Variants in RP1 observed in about 807,000 individuals in gnomAD.
The protein encoded by RP1 is oxygen-regulated protein 1.
In RP1, 16 loss-of-function variants were observed where a neutral mutation model predicts 14.8. The ratio of observed to expected loss-of-function variants is 1.08; its 90% CI spans 0.73 to 1.65. The LOEUF (loss-of-function observed/expected upper bound fraction) is 1.65. Ranked by LOEUF, RP1 falls within the 40% of genes most tolerant of loss-of-function variation. The pLI is 0.00. For missense variants in RP1, 2,631 were observed against 2,535.0 expected (o/e 1.04, Z -0.81); for synonymous variants, 876 against 883.6 (o/e 0.99, Z 0.15).
At chr8:54,678,417 C>T in intron 8 of RP1, 1 of 1,442,200 alleles carries the variant, frequency 6.9e-7, no homozygotes, top group Non-Finnish European at 9.4e-7. Flanking sequence ...ATTATTAGGC[C>T]ATATTTATTC....
At chr8:54,739,627 A>G (rs558909148) in intron 19 of RP1, among the ~76,000 whole-genome samples, 9 of 150,572 alleles carry the variant, frequency 6.0e-5, no homozygotes, top group African/African-American at 2.0e-4. Context: ...TCGGTGGTGC[A>G]TTTTTTTTTC....
intron 16 of RP1, among the ~76,000 whole-genome samples, chr8:54,722,941 A>G (rs545103165): frequency 6.6e-6 from 1 of 152,174 alleles, no homozygotes; most frequent in South Asian, 2.1e-4. Context: ...CTCAGCCTAC[A>G]ACGAGGGCAG....
intron 15 of RP1, among the ~76,000 whole-genome samples, chr8:54,716,721 C>T (rs544614346): frequency 2.6e-5 from 4 of 152,264 alleles, no homozygotes; most frequent in East Asian, 3.9e-4. Flanking sequence ...TCTAGATCTC[C>T]TGATGTCTCC....
intron 21 of RP1, chr8:54,758,786 A>G (rs921446778): frequency 6.1e-6 from 5 of 826,302 alleles, no homozygotes; most frequent in African/African-American, 1.7e-5. Context: ...GCCCCTTTTG[A>G]TGCTAACTAC....
At chr8:54,804,359 G>A (rs556769359) in intron 24 of RP1, among the ~76,000 whole-genome samples, 1 of 152,244 alleles carries the variant, frequency 6.6e-6, no homozygotes, top group African/African-American at 2.4e-5. Flanking sequence ...TCCAAATGAC[G>A]TTAAGGCCCA....
At chr8:54,681,484 G>T (rs1308858654) in intron 12 of RP1, among the ~76,000 whole-genome samples, 12 of 37,370 alleles carry the variant, frequency 3.2e-4, no homozygotes, top group Non-Finnish European at 7.8e-4. Flanking sequence ...TTTTTGATTT[G>T]TGTGTGTGTG....
At chr8:54,646,361 T>C (rs1180404570) in intron 3 of RP1, among the ~76,000 whole-genome samples, 2 of 152,036 alleles carry the variant, frequency 1.3e-5, no homozygotes, top group Non-Finnish European at 2.9e-5. Context: ...TTTTCTGTGA[T>C]CTGACCTCGC....
chr8:54,698,249 A>G (rs903170109), intron 12 of RP1, among the ~76,000 whole-genome samples: 1 of 152,252 alleles, frequency 6.6e-6, no homozygotes, highest in South Asian at 2.1e-4. Context: ...ACACTTCTCA[A>G]AAGAGACATT....
chr8:54,852,277 T>A (rs963454578), intron 25 of RP1, among the ~76,000 whole-genome samples: 8 of 152,106 alleles, frequency 5.3e-5, no homozygotes, highest in African/African-American at 9.7e-5. Context: ...TCTGTTTTTT[T>A]AAAAAAATAC....
rs763523179 is a variant in RP1, at chr8:54,625,062, A to T, written c.1180A>T (p.Met394Leu). Reference sequence around the variant, plus strand: ...TTCATTCTCTGCAGATGTGTCACCTATGGAGCGAAGCAGTAATCAAGAGGG... The same window carrying T: ...TTCATTCTCTGCAGATGTGTCACCTTTGGAGCGAAGCAGTAATCAAGAGGG... The part of the protein sequence containing the change: ...ACSFSADVSP[M>L]ERSSNQEGSL... The change falls in exon 4 of 4, where the codon ATG becomes TTG. Residue 394 changes from methionine to leucine, a missense_variant. By Grantham distance (15) the Met-to-Leu change is conservative. Coordinates refer to ENST00000220676, the MANE Select transcript of RP1 (RefSeq NM_006269.2). 2 of 1,614,202 alleles carry T rather than the reference A, an allele frequency of 1.2e-6. No homozygotes were observed. The highest frequency in any genetic ancestry group is 2.7e-5 in the African/African-American group (2 of 75,062).
At chr8:54,802,210 A>C (rs1810730399) in intron 24 of RP1, among the ~76,000 whole-genome samples, 3 of 152,218 alleles carry the variant, frequency 2.0e-5, no homozygotes, top group African/African-American at 7.2e-5. Flanking sequence ...GACATATTTA[A>C]GAAAGACCTT....
At chr8:54,816,996 A>G (rs1460343655) in intron 24 of RP1, among the ~76,000 whole-genome samples, 1 of 151,380 alleles carries the variant, frequency 6.6e-6, no homozygotes, top group Non-Finnish European at 1.5e-5. Flanking sequence ...TGTCATTCAG[A>G]TCTCAGCCTG....
intron 1 of RP1, among the ~76,000 whole-genome samples, chr8:54,590,826 G>A (rs1805029919): frequency 6.6e-6 from 1 of 152,076 alleles, no homozygotes; most frequent in South Asian, 2.1e-4. Context: ...CCACCATTTT[G>A]AAATCCACAA....
At chr8:54,584,852 G>C (rs973225527) in intron 1 of RP1, among the ~76,000 whole-genome samples, 1 of 152,072 alleles carries the variant, frequency 6.6e-6, no homozygotes, top group Admixed American at 6.6e-5. Flanking sequence ...CCATTTGCTT[G>C]GTAGATCTTC....
At chr8:54,645,038 G>T (rs1034534815) in intron 3 of RP1, among the ~76,000 whole-genome samples, 3 of 152,134 alleles carry the variant, frequency 2.0e-5, no homozygotes, top group African/African-American at 7.2e-5. Context: ...AATTACATCT[G>T]CAATGACCCT....
chr8:54,617,259 A>G (rs1233386675), intron 1 of RP1, among the ~76,000 whole-genome samples: 1 of 152,214 alleles, frequency 6.6e-6, no homozygotes, highest in Non-Finnish European at 1.5e-5. Context: ...GGGAGAATTC[A>G]ACCATTTTAT....
At chr8:54,606,684 C>A (rs200380082) in intron 1 of RP1, among the ~76,000 whole-genome samples, 1 of 152,212 alleles carries the variant, frequency 6.6e-6, no homozygotes, top group Non-Finnish European at 1.5e-5. Context: ...GTACACCAAT[C>A]AGACGTAGAT....
At chr8:54,735,476 G>A (rs542147286) in intron 18 of RP1, among the ~76,000 whole-genome samples, 33 of 152,228 alleles carry the variant, frequency 2.2e-4, no homozygotes, top group African/African-American at 7.7e-4. Flanking sequence ...TCTCTGGAGG[G>A]TATTCCTTTT....
rs566308566 is a variant in RP1, at chr8:54,822,189, G to A, written c.3616-15261G>A. Among the ~76,000 whole-genome samples, 3 of 152,280 alleles carry A rather than the reference G, an allele frequency of 2.0e-5. No individual in the cohort carries two copies. The South Asian group carries it at 6.2e-4, about 32-fold the overall frequency. ...TTATTTATTAGTTTTAACAAATAAA[G>A]GAGTGTTAATAAATGAGATTCCTGT... On this transcript the variant is annotated intron_variant, in intron 24 of 28. Transcript: ENST00000637698.
Sources: allele counts gnomAD v4.1 joint callset (sites outside exome capture counted in the v4.1 genomes callset), GRCh38; gene constraint gnomAD v4.1.1; transcripts MANE v1.5; gene names NCBI Gene and HGNC (gene_info 2026-07-23, HGNC 2026-07-21).